Variants in MAGEB1 observed in about 807,000 individuals in gnomAD.
MAGEB1 encodes melanoma-associated antigen B1.
For synonymous variants in MAGEB1, 99 were observed against 105.7 expected (o/e 0.94, Z 0.39); for missense variants, 290 against 286.7 (o/e 1.01, Z -0.08).
chrX:30,250,487 A>G lies in MAGEB1; in HGVS notation c.-7A>G. On this transcript the variant is annotated 5_prime_UTR_variant, in exon 2 of 2. Coordinates refer to ENST00000397548, the MANE Select transcript of MAGEB1 (RefSeq NM_177404.3). The stretch of plus-strand genomic sequence containing the variant: ...TTTCCTGCCTGTTTTGCCTGACCAC[A>G]GCCATCATGCCTCGGGGTCAGAAGA... 1 of 1,172,840 alleles carries G rather than the reference A, an allele frequency of 8.5e-7. No homozygotes were observed. The highest frequency in any genetic ancestry group is 1.1e-6 in the Non-Finnish European group (1 of 875,495).
chrX:30,247,621 G>A (rs1362980866), intron 1 of MAGEB1: 2 of 112,119 alleles, frequency 1.8e-5, no homozygotes, highest in Non-Finnish European at 3.8e-5. Flanking sequence ...TCAGGGAGAC[G>A]AAGGCTTTGG....
rs1217610563 is a variant in MAGEB1 at position 30,251,029 on chromosome X, G to A, written c.536G>A (p.Ser179Asn). The A allele has an allele frequency of 2.5e-6, 3 of 1,211,451 alleles. No individual in the cohort carries two copies. The highest frequency in any genetic ancestry group is 3.4e-6 in the Non-Finnish European group (3 of 895,333). ...NPSGHTYTLV[S>N]KLNLTNDGNL... is the part of the protein sequence containing the mutation. ...AGTGGCCACACCTACACCCTCGTCAGTAAGCTAAACCTCACCAATGATGGA... is the reference window on the plus strand; with the variant it reads ...AGTGGCCACACCTACACCCTCGTCAATAAGCTAAACCTCACCAATGATGGA... The change falls in exon 2 of 2, where the codon AGT (serine) becomes AAT (asparagine). Residue 179 changes from serine (S) to asparagine (N), a missense_variant. Physicochemically the swap from Ser to Asn is conservative, Grantham distance 46 (BLOSUM62 1). Transcript: ENST00000397548.
rs1400269015 is a variant in MAGEB1 at position 30,251,657 on chromosome X, CATT to C, written c.*122_*124del. 5.2e-6 allele frequency: 3 copies of C among 573,850 alleles called. No individual in the cohort carries two copies. The highest frequency in any genetic ancestry group is 3.5e-5 in the East Asian group (1 of 28,742). The allele number at this position is 573,850 out of a possible 1,213,427, so 47.3% of individuals were successfully genotyped here. On this transcript the variant is annotated 3_prime_UTR_variant, in exon 2 of 2. Coordinates refer to ENST00000397548, the MANE Select transcript of MAGEB1 (RefSeq NM_177404.3). ...ATATCTCCTTTGTGTTCCTGTTAAA[CATT>C]AGTATCTTTCAAGTGTTTTTCTTTT...
upstream of MAGEB1, chrX:30,246,234 C>G (rs903539115): frequency 8.9e-6 from 1 of 111,920 alleles, no homozygotes; most frequent in African/African-American, 3.2e-5. Context: ...ATGGAAGGAC[C>G]CAGCCAAAAC....
intron 1 of MAGEB1, among the ~76,000 whole-genome samples, chrX:30,248,331 C>T (rs1384470854): frequency 3.6e-5 from 4 of 111,778 alleles, no homozygotes; most frequent in African/African-American, 6.5e-5. Flanking sequence ...AGGAGTCATA[C>T]GCCAAGACAG....
chrX:30,251,437 C>T lies in MAGEB1; in HGVS notation c.944C>T (p.Ala315Val). 1 of 1,211,426 alleles carries T rather than the reference C, an allele frequency of 8.3e-7. No individual in the cohort carries two copies. Among genetic ancestry groups the T allele is most frequent in the South Asian group, 1.8e-5 (1 of 56,969 alleles). ...GCTTTGAGAGATGAGGAAGAGAGAG[C>T]CCAAGTCCGATCCAGTGTTAGAGCC... ...EEALRDEEER[A>V]QVRSSVRARR... Residue 315 changes from alanine to valine, a missense_variant, in exon 2 of 2, where the codon GCC becomes GTC. Coordinates refer to ENST00000397548, the MANE Select transcript of MAGEB1 (RefSeq NM_177404.3).
chrX:30,248,837 ATTCC>A (rs1470807169), intron 1 of MAGEB1, among the ~76,000 whole-genome samples: 2 of 111,976 alleles, frequency 1.8e-5, no homozygotes, highest in East Asian at 2.8e-4. Flanking sequence ...GAAACACGGA[ATTCC>A]TTCCTGATTT....
Position 30,250,733 on chromosome X carries a change from C to A in MAGEB1, c.240C>A (p.Asp80Glu), listed in dbSNP as rs201824203. Residue 80 changes from aspartate to glutamate, a missense_variant, in exon 2 of 2, where the codon GAC becomes GAA. Asp to Glu is a conservative substitution (Grantham distance 45). Coordinates refer to ENST00000397548, the MANE Select transcript of MAGEB1 (RefSeq NM_177404.3). ...AAAAVSCTESDEGAKCQGEEN... is the reference protein window; with the variant it reads ...AAAAVSCTESEEGAKCQGEEN... ...CAGCTGTGTCATGTACCGAATCTGACGAAGGTGCCAAATGCCAAGGTGAGG... is the reference window on the plus strand; with the variant it reads ...CAGCTGTGTCATGTACCGAATCTGAAGAAGGTGCCAAATGCCAAGGTGAGG... The A allele has an allele frequency of 1.1e-5, 13 of 1,209,845 alleles. No homozygotes were observed. The highest frequency in any genetic ancestry group is 1.5e-5 in the Non-Finnish European group (13 of 894,968).
At chrX:30,246,563 G>A (rs1221641991), upstream of MAGEB1, among the ~76,000 whole-genome samples, 2 of 111,698 alleles carry the variant, frequency 1.8e-5, no homozygotes, top group Non-Finnish European at 3.8e-5. Context: ...GACTGGTTCC[G>A]TCTAATTGGG....
intron 1 of MAGEB1, among the ~76,000 whole-genome samples, chrX:30,250,114 C>T (rs1236916807): frequency 8.9e-6 from 1 of 111,735 alleles, no homozygotes; most frequent in Non-Finnish European, 1.9e-5. Flanking sequence ...TAGGTTGAAG[C>T]AGTGCCTCAT....
chrX:30,248,595 C>T (rs986174055), intron 1 of MAGEB1, among the ~76,000 whole-genome samples: 3 of 111,261 alleles, frequency 2.7e-5, no homozygotes, highest in Admixed American at 9.5e-5. Flanking sequence ...AGGGGACCCC[C>T]TCCAAGAAAG....
upstream of MAGEB1, among the ~76,000 whole-genome samples, chrX:30,244,782 G>T (rs1290324182): frequency 2.7e-5 from 3 of 111,900 alleles, no homozygotes; most frequent in Admixed American, 2.8e-4. Flanking sequence ...AACCAGAGGG[G>T]ATCTTTGCCT....
upstream of MAGEB1, among the ~76,000 whole-genome samples, chrX:30,245,907 C>T (rs1301132164): frequency 4.5e-5 from 5 of 111,917 alleles, no homozygotes; most frequent in African/African-American, 1.6e-4. Flanking sequence ...TCCCTGAGAG[C>T]ACAACATCTG....
At chrX:30,244,119 T>C (rs1824554444), upstream of MAGEB1, 1 of 123,373 alleles carries the variant, frequency 8.1e-6, no homozygotes. Flanking sequence ...GGCATTGGAA[T>C]ATGGAATTTG....
chrX:30,247,167 G>A lies in MAGEB1; in HGVS notation c.-150G>A, dbSNP rs1276524292. 1 of 108,548 alleles carries A rather than the reference G, an allele frequency of 9.2e-6. No individual in the cohort carries two copies. Among genetic ancestry groups the A allele is most frequent in the African/African-American group, 3.4e-5 (1 of 29,541 alleles). 8.9% of individuals were successfully genotyped at this position (108,548 alleles called of 1,213,427 possible). ...GCTCATCCTGACTTCCGCTTTGAAGGCGAGGACCCCAGCGAGCGTAAGGGC... is the reference window on the plus strand; with the variant it reads ...GCTCATCCTGACTTCCGCTTTGAAGACGAGGACCCCAGCGAGCGTAAGGGC... On this transcript the variant is annotated 5_prime_UTR_variant, in exon 1 of 2. Coordinates refer to ENST00000397548, the MANE Select transcript of MAGEB1 (RefSeq NM_177404.3).
chrX:30,250,660 G>T lies in MAGEB1; in HGVS notation c.167G>T (p.Gly56Val). The change falls in exon 2 of 2, where the codon GGC becomes GTC. Residue 56 changes from glycine to valine, a missense_variant. Transcript: ENST00000397548. Reference sequence around the variant, plus strand: ...ACTCCCACAAGCTCCCCTGCTGCTGGCATTCCCCAGAAGCCTCAGGGAGCT... The same window carrying T: ...ACTCCCACAAGCTCCCCTGCTGCTGTCATTCCCCAGAAGCCTCAGGGAGCT... ...GDTPTSSPAA[G>V]IPQKPQGAPP... 8.3e-7 allele frequency: 1 copy of T among 1,211,162 alleles called. No homozygotes were observed. Among genetic ancestry groups the T allele is most frequent in the Admixed American group, 2.2e-5 (1 of 46,063 alleles).
chrX:30,246,809 A>C (rs1362567113), upstream of MAGEB1, among the ~76,000 whole-genome samples: 1 of 111,444 alleles, frequency 9.0e-6, no homozygotes, highest in Admixed American at 9.4e-5. Flanking sequence ...CTGGAGAGGA[A>C]ACCAGAGTCA....
Position 30,250,548 on chromosome X carries a change from C to G in MAGEB1, c.55C>G (p.Arg19Gly), listed in dbSNP as rs1306878364. The part of the protein sequence containing the change: ...LRAREKRRKA[R>G]EETQGLKVAH... ...TGCTCGTGAGAAACGCCGCAAGGCGCGAGAGGAGACCCAGGGTCTCAAGGT... is the reference window on the plus strand; with the variant it reads ...TGCTCGTGAGAAACGCCGCAAGGCGGGAGAGGAGACCCAGGGTCTCAAGGT... The change falls in exon 2 of 2, where the codon CGA becomes GGA. Residue 19 changes from arginine (R) to glycine (G), a missense_variant. By Grantham distance (125) the Arg-to-Gly change is moderately radical (BLOSUM62 -2). Transcript: ENST00000397548. The G allele has an allele frequency of 4.1e-6, 5 of 1,207,856 alleles. No homozygotes were observed. Among genetic ancestry groups the G allele is most frequent in the Non-Finnish European group, 5.6e-6 (5 of 893,532 alleles).
upstream of MAGEB1, chrX:30,246,494 C>T (rs1028562354): frequency 1.8e-5 from 2 of 111,852 alleles, no homozygotes; most frequent in South Asian, 3.8e-4. Context: ...TGCTGTCAGC[C>T]CTAGGAAGCC....
Sources: gnomAD v4.1 joint callset for allele counts (sites outside exome capture counted in the v4.1 genomes callset) on GRCh38, gnomAD v4.1.1 for gene constraint, MANE v1.5 for transcripts, NCBI Gene and HGNC (gene_info 2026-07-23, HGNC 2026-07-21) for gene names.